Variants in OTC observed in about 807,000 individuals in gnomAD.
OTC encodes ornithine transcarbamylase, also known as ornithine transcarbamylase, mitochondrial.
OTC carries 3 observed loss-of-function variants against 30.3 expected under a neutral mutation model. The observed-to-expected ratio is 0.10, with a 90% CI of 0.05 to 0.26. The LOEUF (loss-of-function observed/expected upper bound fraction) is 0.26. Among genes scored for constraint, OTC ranks in the 10% least tolerant of loss-of-function variants. OTC has a pLI of 1.00. For missense variants in OTC, 194 were observed against 260.3 expected, an observed-to-expected ratio of 0.75 and a Z score of 1.75; for synonymous variants, 111 against 99.7, an observed-to-expected ratio of 1.11 and a Z score of -0.67.
intron 1 of OTC, among the ~76,000 whole-genome samples, chrX:38,353,443 C>A (rs2068227504): frequency 9.0e-6 from 1 of 111,454 alleles, no homozygotes; most frequent in African/African-American, 3.3e-5. Context: ...GCTGGGTAAA[C>A]AAGGCCATCA....
chrX:38,410,690 T>C (rs2068538560), intron 8 of OTC, among the ~76,000 whole-genome samples: 1 of 112,309 alleles, frequency 8.9e-6, no homozygotes, highest in African/African-American at 3.2e-5. Flanking sequence ...ATGGAGATAT[T>C]TTAAATTATA....
chrX:38,407,086 A>T (rs1336629817), intron 6 of OTC, among the ~76,000 whole-genome samples: 1 of 112,739 alleles, frequency 8.9e-6, no homozygotes, highest in Non-Finnish European at 1.9e-5. Flanking sequence ...GAAGGGAAGG[A>T]AGCAGGAGTA....
the OTC span, among the ~76,000 whole-genome samples, chrX:38,329,267 A>C: frequency 9.0e-6 from 1 of 111,371 alleles, no homozygotes; most frequent in South Asian, 3.8e-4. Context: ...TAAATGGGGC[A>C]AGAAGAGCAT....
At chrX:38,401,933 G>T (rs1052237264) in intron 5 of OTC, among the ~76,000 whole-genome samples, 1 of 111,599 alleles carries the variant, frequency 9.0e-6, no homozygotes, top group African/African-American at 3.3e-5. Context: ...TAGAATTGGG[G>T]CTCAAATTTA....
At chrX:38,340,459 G>GTTTTTTTTTTTT in the OTC span, among the ~76,000 whole-genome samples, 16 of 60,533 alleles carry the variant, frequency 2.6e-4, no homozygotes, top group Non-Finnish European at 3.3e-4. Flanking sequence ...TTGTTTTTTT[G>GTTTTTTTTTTTT]TTTTTTTTTT....
chrX:38,412,904 G>A (rs1206290779), intron 9 of OTC, among the ~76,000 whole-genome samples: 1 of 112,165 alleles, frequency 8.9e-6, no homozygotes, highest in African/African-American at 3.2e-5. Context: ...TTCTTTTGTA[G>A]CCAGAACACC....
chrX:38,348,783 C>T (rs1198541943), upstream of OTC, among the ~76,000 whole-genome samples: 1 of 111,110 alleles, frequency 9.0e-6, no homozygotes, highest in East Asian at 2.8e-4. Context: ...TATTTTTATA[C>T]CTCTCTTCAT....
chrX:38,392,021 G>A (rs374647715), intron 4 of OTC, among the ~76,000 whole-genome samples: 5 of 111,876 alleles, frequency 4.5e-5, no homozygotes, highest in East Asian at 2.8e-4. Context: ...GTTTCATGCC[G>A]TGCCTTTCCT....
chrX:38,380,725 T>G (rs1405397618), intron 3 of OTC, among the ~76,000 whole-genome samples: 2 of 112,058 alleles, frequency 1.8e-5, no homozygotes, highest in Non-Finnish European at 3.8e-5. Flanking sequence ...GTCATATATT[T>G]TATTTTATTT....
the OTC span, among the ~76,000 whole-genome samples, chrX:38,329,810 G>A: frequency 1.3e-4 from 14 of 111,481 alleles, no homozygotes; most frequent in Non-Finnish European, 1.1e-4. Flanking sequence ...TAACCAATGG[G>A]AAATATACCA....
chrX:38,332,195 G>C, the OTC span, among the ~76,000 whole-genome samples: 1 of 108,583 alleles, frequency 9.2e-6, no homozygotes, highest in Admixed American at 9.9e-5. Context: ...GAACCCTCTA[G>C]TTGCAGGAAA....
At chrX:38,393,900 T>C (rs1333685926) in intron 4 of OTC, among the ~76,000 whole-genome samples, 1 of 111,819 alleles carries the variant, frequency 8.9e-6, no homozygotes, top group Non-Finnish European at 1.9e-5. Flanking sequence ...AAGGGCTGCC[T>C]GTATCCTTGG....
chrX:38,356,192 C>T (rs947839679), intron 1 of OTC, among the ~76,000 whole-genome samples: 7 of 99,496 alleles, frequency 7.0e-5, no homozygotes, highest in Non-Finnish European at 1.2e-4. Context: ...AATTGAGTAA[C>T]GTAACTTAGA....
At position 38,411,915 on chromosome X, in the gene OTC, G is replaced by A. The variant is rs1342526139; in HGVS notation, c.921G>A (p.Lys307=). The change falls in exon 9 of 10, where the codon AAG becomes AAA. Residue 307 remains lysine (K), a synonymous_variant. Transcript: ENST00000039007. ...DWTFLHCLPR[K]PEEVDDEVFY... ...CATTTTTACACTGCTTGCCCAGAAA[G>A]CCAGAAGAAGTGGATGATGAAGTCT... is the stretch of plus-strand genomic sequence containing the variant. 8.3e-7 allele frequency: 1 copy of A among 1,208,606 alleles called. No individual in the cohort carries two copies. The highest frequency in any genetic ancestry group is 1.7e-5 in the African/African-American group (1 of 57,145).
chrX:38,339,528 GTTT>G, the OTC span, among the ~76,000 whole-genome samples: 14 of 82,870 alleles, frequency 1.7e-4, no homozygotes, highest in African/African-American at 5.4e-4. Context: ...GTACCCAATA[GTTT>G]TTTTTTTTTT....
chrX:38,335,135 C>T, the OTC span, among the ~76,000 whole-genome samples: 1 of 112,051 alleles, frequency 8.9e-6, no homozygotes, highest in Non-Finnish European at 1.9e-5. Context: ...CCCTAGGGGA[C>T]ATGCACCCCA....
chrX:38,408,767 C>T lies in OTC; in HGVS notation c.689C>T (p.Thr230Ile), dbSNP rs1336562810. 2.5e-6 allele frequency: 3 copies of T among 1,203,995 alleles called. No individual in the cohort carries two copies. The highest frequency in any genetic ancestry group is 1.8e-5 in the South Asian group (1 of 56,645). ...PKGYEPDASV[T>I]KLAEQYAKEN... ...GGTTATGAGCCGGATGCTAGTGTAA[C>T]CAAGTTGGCAGAGCAGTATGCCAAA... The change falls in exon 7 of 10, where the codon ACC becomes ATC. Residue 230 changes from threonine to isoleucine, a missense_variant. By Grantham distance (89) the Thr-to-Ile change is moderately conservative. Coordinates refer to ENST00000039007, the MANE Select transcript of OTC (RefSeq NM_000531.6).
intron 2 of OTC, 101 bp downstream of exon 2, chrX:38,367,530 A>C: frequency 1.4e-6 from 1 of 705,720 alleles, no homozygotes. Flanking sequence ...AAAATTCTTA[A>C]ACAGTAGCTA....
chrX:38,400,683 G>A (rs1210866230), intron 4 of OTC, among the ~76,000 whole-genome samples: 1 of 112,233 alleles, frequency 8.9e-6, no homozygotes. Context: ...ATGGCCCAGC[G>A]CTATTCTCCC....
Sources: allele counts gnomAD v4.1 joint callset (sites outside exome capture counted in the v4.1 genomes callset), GRCh38; gene constraint gnomAD v4.1.1; transcripts MANE v1.5; gene names NCBI Gene and HGNC (gene_info 2026-07-23, HGNC 2026-07-21).